CAPN13: variants seen among roughly 807,000 people sequenced by gnomAD.
CAPN13 encodes calpain 13.
A neutral mutation model predicts 98.4 loss-of-function variants in CAPN13; 90 were observed. That is an observed-to-expected ratio of 0.92 (90% CI 0.77 to 1.09). The LOEUF is 1.09. Among genes scored for constraint, CAPN13 ranks in the 50% least tolerant of loss-of-function variants. CAPN13 has a pLI of 0.00. For missense variants in CAPN13, 887 were observed against 841.3 expected (o/e 1.05, Z -0.67); for synonymous variants, 330 against 305.5 (o/e 1.08, Z -0.84).
rs1384044115 is a variant in CAPN13 at position 30,776,901 on chromosome 2, C to T, written c.271+666G>A. 2.6e-5 allele frequency among the ~76,000 whole-genome samples: 4 copies of T among 152,310 alleles called. No homozygotes were observed. In the East Asian group the frequency reaches 5.8e-4, roughly 22 times the overall value. On this transcript the variant is annotated intron_variant, in intron 3 of 22. Transcript: ENST00000295055. ...AACCCTTGGCTGGTGGCCAGGCAGG[C>T]TCTATTGACTTGGTCCAAGGCACGG... is the stretch of plus-strand genomic sequence containing the variant.
intron 15 of CAPN13, 63 bp downstream of exon 15, chr2:30,741,845 G>A: frequency 6.2e-7 from 1 of 1,612,300 alleles, no homozygotes; most frequent in Non-Finnish European, 8.5e-7. Context: ...TGTGAGAGCT[G>A]TCCCTCCCTC....
In CAPN13 at chr2:30,736,510, T is replaced by C. The variant is rs1223856636; in HGVS notation, c.1715A>G (p.His572Arg). The C allele has an allele frequency of 1.9e-6, 3 of 1,613,802 alleles. No homozygotes were observed. Among genetic ancestry groups the C allele is most frequent in the African/African-American group, 1.3e-5 (1 of 74,934 alleles). ...CAGAGAATGTGCCCGTACCTGGTAG[T>C]GAACAAGGCGCTTCCACAGTCGCGC... ...EFARLWKRLVHYQHVFQKVQT... is the reference protein window; with the variant it reads ...EFARLWKRLVRYQHVFQKVQT... The change falls in exon 18 of 23, where the codon CAC becomes CGC. Residue 572 changes from histidine to arginine, a missense_variant. His to Arg is a conservative substitution (Grantham distance 29). Coordinates refer to ENST00000295055, the MANE Select transcript of CAPN13 (RefSeq NM_144575.3).
At chr2:30,783,693 T>C (rs951496443) in intron 2 of CAPN13, among the ~76,000 whole-genome samples, 1 of 152,206 alleles carries the variant, frequency 6.6e-6, no homozygotes, top group African/African-American at 2.4e-5. Context: ...TGATGTCCCT[T>C]GTGGTTTACC....
chr2:30,772,008 C>T (rs567091898), intron 4 of CAPN13, among the ~76,000 whole-genome samples: 44 of 152,306 alleles, frequency 2.9e-4, no homozygotes, highest in African/African-American at 1.1e-3. Context: ...ATGAGTAAGT[C>T]CCGGCTCGAA....
At chr2:30,787,902 A>G (rs1036901328) in intron 1 of CAPN13, among the ~76,000 whole-genome samples, 2 of 151,976 alleles carry the variant, frequency 1.3e-5, no homozygotes, top group African/African-American at 4.8e-5. Context: ...CTGTACATAG[A>G]ATGGGGCTGC....
intron 1 of CAPN13, among the ~76,000 whole-genome samples, chr2:30,804,631 C>T (rs773391146): frequency 8.5e-5 from 13 of 152,154 alleles, no homozygotes; most frequent in Non-Finnish European, 1.3e-4. Context: ...CTATGTATAC[C>T]ATGCTTTAGG....
At chr2:30,800,936 G>A (rs1675233208) in intron 1 of CAPN13, among the ~76,000 whole-genome samples, 1 of 152,170 alleles carries the variant, frequency 6.6e-6, no homozygotes, top group Non-Finnish European at 1.5e-5. Context: ...TATTTAATCT[G>A]TGCTCAGATT....
In CAPN13 at chr2:30,743,340, G is replaced by C. The variant is rs781185363; in HGVS notation, c.1445+43C>G. The C allele has an allele frequency of 2.0e-6, 3 of 1,533,352 alleles. No individual in the cohort carries two copies. In the South Asian group the frequency reaches 3.4e-5, roughly 17 times the overall value. The allele number at this position is 1,533,352 out of a possible 1,614,324, so 95.0% of individuals were successfully genotyped here. A position where few individuals can be genotyped will look rare whatever the true frequency, so the allele number is the denominator to read the frequency against. ...TAATTACACAATGTGTTTTTATAAAGTTAAGTAGAATAAAACATTTACAAT... is the reference window on the plus strand; with the variant it reads ...TAATTACACAATGTGTTTTTATAAACTTAAGTAGAATAAAACATTTACAAT... On this transcript the variant is annotated intron_variant, in intron 13 of 22. Coordinates refer to ENST00000295055, the MANE Select transcript of CAPN13 (RefSeq NM_144575.3).
At chr2:30,766,279 C>T (rs1285527230) in intron 5 of CAPN13, among the ~76,000 whole-genome samples, 2 of 152,238 alleles carry the variant, frequency 1.3e-5, no homozygotes, top group Non-Finnish European at 2.9e-5. Context: ...CTGTGGGCCC[C>T]ACCTGACGTC....
chr2:30,754,720 T>C (rs1302727164), intron 8 of CAPN13, among the ~76,000 whole-genome samples: 3 of 151,962 alleles, frequency 2.0e-5, no homozygotes, highest in African/African-American at 7.3e-5. Context: ...CACCCCCACA[T>C]CCAAACAATC....
At chr2:30,723,842 A>G (rs557353435) in intron 22 of CAPN13, among the ~76,000 whole-genome samples, 1 of 151,672 alleles carries the variant, frequency 6.6e-6, no homozygotes, top group Non-Finnish European at 1.5e-5. Flanking sequence ...ACTACTTGCT[A>G]GTTTGCCTAT....
intron 19 of CAPN13, among the ~76,000 whole-genome samples, chr2:30,732,900 G>A (rs1244764672): frequency 2.6e-5 from 4 of 152,178 alleles, no homozygotes; most frequent in African/African-American, 9.7e-5. Flanking sequence ...ACTTCTCCTT[G>A]CTGATGACCT....
chr2:30,800,186 A>C (rs546011058), intron 1 of CAPN13, among the ~76,000 whole-genome samples: 2 of 150,442 alleles, frequency 1.3e-5, no homozygotes, highest in African/African-American at 4.9e-5. Context: ...GAAAGAAAGA[A>C]AGAAAACTAC....
rs59406709 is a variant in CAPN13 at position 30,788,258 on chromosome 2, A to G, written c.-32-901T>C. Among the ~76,000 whole-genome samples the G allele has an allele frequency of 5.3e-3, 812 of 152,332 alleles. 39 individuals carry two copies. In the East Asian group the frequency reaches 0.12, roughly 23 times the overall value. On this transcript the variant is annotated intron_variant, in intron 1 of 22. Transcript: ENST00000295055. ...TATGGATTGAAGCTATGAATCTCAT[A>G]GGTTTGTTATGATATTAAATAAGTT...
chr2:30,796,805 G>T lies in CAPN13; in HGVS notation c.-32-9448C>A, dbSNP rs534534859. 5.3e-5 allele frequency among the ~76,000 whole-genome samples: 8 copies of T among 152,276 alleles called. No homozygotes were observed. The East Asian group carries it at 1.3e-3, about 26-fold the overall frequency. ...CCTATTTAAAATGAGACAAAACTATGAAAGATTTGGCAGGCTCTGACCAGA... is the reference window on the plus strand; with the variant it reads ...CCTATTTAAAATGAGACAAAACTATTAAAGATTTGGCAGGCTCTGACCAGA... On this transcript the variant is annotated intron_variant, in intron 1 of 22. Transcript: ENST00000295055.
intron 10 of CAPN13, among the ~76,000 whole-genome samples, chr2:30,752,832 G>A (rs1339109254): frequency 6.6e-6 from 1 of 152,226 alleles, no homozygotes; most frequent in East Asian, 1.9e-4. Flanking sequence ...AGCATGGAGG[G>A]CTAGGGGAGA....
intron 15 of CAPN13, among the ~76,000 whole-genome samples, chr2:30,740,849 C>T (rs1671616488): frequency 6.6e-6 from 1 of 152,234 alleles, no homozygotes; most frequent in African/African-American, 2.4e-5. Flanking sequence ...TCTCAGGCAT[C>T]CTAATCCGGC....
At chr2:30,783,955 T>G (rs970964276) in intron 2 of CAPN13, among the ~76,000 whole-genome samples, 1 of 151,896 alleles carries the variant, frequency 6.6e-6, no homozygotes, top group African/African-American at 2.4e-5. Context: ...CTGAGGTGGG[T>G]GGATCACTCG....
At chr2:30,772,748 C>T (rs1364725016) in intron 4 of CAPN13, among the ~76,000 whole-genome samples, 2 of 152,100 alleles carry the variant, frequency 1.3e-5, no homozygotes, top group Non-Finnish European at 2.9e-5. Context: ...AAAAATATCA[C>T]TGAATTCCCA....
Sources: allele counts gnomAD v4.1 joint callset (sites outside exome capture counted in the v4.1 genomes callset), GRCh38; gene constraint gnomAD v4.1.1; transcripts MANE v1.5; gene names NCBI Gene and HGNC (gene_info 2026-07-23, HGNC 2026-07-21).